The following MTMR2 variants were observed in gnomAD, a reference collection of about 807,000 sequenced individuals.
The protein encoded by MTMR2 is myotubularin related protein 2.
Under a neutral mutation model 86.9 loss-of-function variants are expected in MTMR2, and 55 were observed. The ratio of observed to expected loss-of-function variants is 0.63; its 90% CI spans 0.51 to 0.79. The LOEUF (loss-of-function observed/expected upper bound fraction) is 0.79. Ranked by LOEUF, MTMR2 falls within the 30% of genes least tolerant of loss-of-function variation. MTMR2 has a pLI of 0.00. For synonymous variants in MTMR2, 241 were observed against 266.8 expected (o/e 0.90, Z 0.94); for missense variants, 659 against 772.3 (o/e 0.85, Z 1.74).
At chr11:95,907,489 G>A (rs1418973466) in intron 1 of MTMR2, among the ~76,000 whole-genome samples, 1 of 151,812 alleles carries the variant, frequency 6.6e-6, no homozygotes, top group African/African-American at 2.4e-5. Flanking sequence ...AAAAAATGAG[G>A]AGGAAGGACT....
At chr11:95,879,145 G>A (rs955580567) in intron 2 of MTMR2, among the ~76,000 whole-genome samples, 8 of 150,804 alleles carry the variant, frequency 5.3e-5, no homozygotes, top group Non-Finnish European at 8.9e-5. Context: ...ACCAGAGGCT[G>A]AGAAAGAGAT....
rs182991283 is a variant in MTMR2, at chr11:95,865,735, C to G, written c.187-59G>C. 1.2e-3 allele frequency: 1,641 copies of G among 1,335,218 alleles called. 16 individuals are homozygous for G. Among genetic ancestry groups the G allele is most frequent in the Middle Eastern group, 5.5e-4 (3 of 5,502 alleles). The allele number at this position is 1,335,218 out of a possible 1,614,324, so 82.7% of individuals were successfully genotyped here. On this transcript the variant is annotated intron_variant, in intron 2 of 14. Coordinates refer to ENST00000346299, the MANE Select transcript of MTMR2 (RefSeq NM_016156.6). ...TTTATTCAAAGGCTACTTTTTCACTCATATTTCAACTGAGTATACTTGCTC... is the reference window on the plus strand; with the variant it reads ...TTTATTCAAAGGCTACTTTTTCACTGATATTTCAACTGAGTATACTTGCTC...
At chr11:95,891,193 G>A (rs1865701643) in intron 1 of MTMR2, among the ~76,000 whole-genome samples, 1 of 152,124 alleles carries the variant, frequency 6.6e-6, no homozygotes, top group Admixed American at 6.5e-5. Context: ...GCTCACGCCT[G>A]TAATCCCAGC....
At chr11:95,893,226 A>G (rs1865771247) in intron 1 of MTMR2, among the ~76,000 whole-genome samples, 2 of 152,094 alleles carry the variant, frequency 1.3e-5, no homozygotes, top group Admixed American at 6.6e-5. Flanking sequence ...AAATTCCTCA[A>G]TTCCTACATA....
chr11:95,908,118 C>T (rs1866356461), intron 1 of MTMR2, among the ~76,000 whole-genome samples: 1 of 152,076 alleles, frequency 6.6e-6, no homozygotes, highest in Non-Finnish European at 1.5e-5. Context: ...CCAAAAGCTA[C>T]TAGATCTGAT....
At chr11:95,846,797 C>A (rs1303494884) in intron 10 of MTMR2, among the ~76,000 whole-genome samples, 1 of 152,050 alleles carries the variant, frequency 6.6e-6, no homozygotes, top group African/African-American at 2.4e-5. Flanking sequence ...ATGAATGGGC[C>A]ACATGAACAT....
chr11:95,875,156 G>T (rs1315201631), intron 2 of MTMR2, among the ~76,000 whole-genome samples: 1 of 152,128 alleles, frequency 6.6e-6, no homozygotes, highest in Admixed American at 6.5e-5. Flanking sequence ...TTGCTAGATT[G>T]GGGAAGTTCT....
chr11:95,881,528 T>C (rs930674302), intron 2 of MTMR2, among the ~76,000 whole-genome samples: 1 of 152,204 alleles, frequency 6.6e-6, no homozygotes, highest in Non-Finnish European at 1.5e-5. Context: ...TAAAGTTTTA[T>C]AACTTTCTTC....
intron 1 of MTMR2, among the ~76,000 whole-genome samples, chr11:95,902,396 C>T (rs1321818906): frequency 6.6e-6 from 1 of 152,160 alleles, no homozygotes; most frequent in Non-Finnish European, 1.5e-5. Context: ...GTGGAAGCCC[C>T]AGATTGTGAG....
chr11:95,855,158 A>C (rs966648080), intron 7 of MTMR2, among the ~76,000 whole-genome samples: 3 of 152,018 alleles, frequency 2.0e-5, no homozygotes, highest in African/African-American at 4.8e-5. Context: ...TCCTGTCTAT[A>C]ATCACTACAT....
chr11:95,898,949 A>G (rs1865974912), intron 1 of MTMR2, among the ~76,000 whole-genome samples: 1 of 152,196 alleles, frequency 6.6e-6, no homozygotes, highest in Non-Finnish European at 1.5e-5. Flanking sequence ...TTTTATTGGC[A>G]TACAGCGTAC....
chr11:95,852,806 G>C (rs766694141), intron 7 of MTMR2, among the ~76,000 whole-genome samples: 1 of 152,150 alleles, frequency 6.6e-6, no homozygotes, highest in Non-Finnish European at 1.5e-5. Context: ...GGGAGGCAGA[G>C]GTGGGCAGAT....
chr11:95,865,734 T>C, intron 2 of MTMR2, 58 bp from the exon 3 acceptor site: 1 of 1,391,572 alleles, frequency 7.2e-7, no homozygotes, highest in Non-Finnish European at 1.0e-6. Flanking sequence ...ACTTTTTCAC[T>C]CATATTTCAA....
chr11:95,883,834 T>C (rs549359338), intron 2 of MTMR2, among the ~76,000 whole-genome samples: 1 of 152,318 alleles, frequency 6.6e-6, no homozygotes, highest in East Asian at 1.9e-4. Context: ...TAAGGCACTA[T>C]CCTTTCAGGA....
intron 3 of MTMR2, among the ~76,000 whole-genome samples, chr11:95,864,273 G>A (rs537150274): frequency 9.9e-5 from 15 of 152,244 alleles, no homozygotes; most frequent in African/African-American, 3.4e-4. Flanking sequence ...AGAGTATACA[G>A]GAGGGAAAAG....
chr11:95,912,456 T>C (rs538105327), intron 1 of MTMR2, among the ~76,000 whole-genome samples: 1 of 151,738 alleles, frequency 6.6e-6, no homozygotes, highest in South Asian at 2.1e-4. Context: ...AAAATGACGT[T>C]TTTTAAAAAT....
At chr11:95,898,366 T>A (rs1865951340) in intron 1 of MTMR2, among the ~76,000 whole-genome samples, 1 of 152,016 alleles carries the variant, frequency 6.6e-6, no homozygotes, top group African/African-American at 2.4e-5. Context: ...GTTTAACCAA[T>A]GCCTTTTTTA....
chr11:95,837,243 T>C (rs898594833), intron 13 of MTMR2, among the ~76,000 whole-genome samples: 1 of 152,030 alleles, frequency 6.6e-6, no homozygotes, highest in African/African-American at 2.4e-5. Flanking sequence ...TGGTATTTTG[T>C]ATTGCTTATT....
intron 2 of MTMR2, among the ~76,000 whole-genome samples, chr11:95,878,945 A>C (rs913893637): frequency 1.2e-4 from 18 of 152,146 alleles, no homozygotes; most frequent in Non-Finnish European, 2.5e-4. Flanking sequence ...AGTGCTCTTA[A>C]CACCCTTGAA....
Sources: gnomAD v4.1 joint callset for allele counts (sites outside exome capture counted in the v4.1 genomes callset) on GRCh38, gnomAD v4.1.1 for gene constraint, MANE v1.5 for transcripts, NCBI Gene and HGNC (gene_info 2026-07-23, HGNC 2026-07-21) for gene names.